The following PITPNM3 variants were observed in gnomAD, a reference collection of about 807,000 sequenced individuals.
PITPNM3 encodes the protein membrane-associated phosphatidylinositol transfer protein 3.
In PITPNM3, 26 loss-of-function variants were observed where a neutral mutation model predicts 102.0. The ratio of observed to expected loss-of-function variants is 0.25; its 90% CI spans 0.19 to 0.35. The LOEUF is 0.35. Among genes scored for constraint, PITPNM3 ranks in the 10% least tolerant of loss-of-function variants. PITPNM3 has a pLI of 1.00. For synonymous variants in PITPNM3, 578 were observed against 558.6 expected (o/e 1.03, Z -0.49); for missense variants, 1,083 against 1,346.1 (o/e 0.80, Z 3.06).
In PITPNM3 at chr17:6,538,079, C is replaced by T. The variant is rs757737539; in HGVS notation, c.26G>A (p.Gly9Asp). The part of the protein sequence containing the change: MAKAGRAG[G>D]PPPGGGAPWH... ...GGGGGCACCGCCGCCCGGGGGAGGA[C>T]CACCTGTTAAAGGGAACACATCTGT... The change falls in exon 2 of 20, where the codon GGT becomes GAT. Residue 9 changes from glycine (G) to aspartate (D), a missense_variant. Transcript: ENST00000262483. 1 of 1,608,192 alleles carries T rather than the reference C, an allele frequency of 6.2e-7. No individual in the cohort carries two copies. The highest frequency in any genetic ancestry group is 2.2e-5 in the East Asian group (1 of 44,846).
chr17:6,465,420 C>T (rs1044353887), intron 14 of PITPNM3, among the ~76,000 whole-genome samples: 2 of 152,252 alleles, frequency 1.3e-5, no homozygotes, highest in Non-Finnish European at 2.9e-5. Context: ...TCCAGATCCC[C>T]GGGCTGGAAA....
chr17:6,525,383 T>C lies in PITPNM3; in HGVS notation c.199A>G (p.Thr67Ala). The C allele has an allele frequency of 1.9e-6, 3 of 1,614,152 alleles. No homozygotes were observed. Among genetic ancestry groups the C allele is most frequent in the Non-Finnish European group, 2.5e-6 (3 of 1,180,022 alleles). Residue 67 changes from threonine (T) to alanine (A), a missense_variant, in exon 3 of 20, where the codon ACC becomes GCC. Physicochemically the swap from Thr to Ala is moderately conservative, Grantham distance 58. Coordinates refer to ENST00000262483, the MANE Select transcript of PITPNM3 (RefSeq NM_031220.4). ...NSNDLVEQIE[T>A]MGKLDEHQGE... is the part of the protein sequence containing the mutation. Reference sequence around the variant, plus strand: ...TGATGCTCGTCCAGTTTCCCCATGGTCTCGATCTGCTCCACGAGGTCATTG... The same window carrying C: ...TGATGCTCGTCCAGTTTCCCCATGGCCTCGATCTGCTCCACGAGGTCATTG...
Position 6,455,440 on chromosome 17 carries a change from G to A in PITPNM3, c.2823C>T (p.Pro941=). The change falls in exon 20 of 20, where the codon CCC becomes CCT. Residue 941 remains proline, a synonymous_variant. Transcript: ENST00000262483. The stretch of plus-strand genomic sequence containing the variant: ...ACTCGGGCTGGCTCTGGGCCCGCTC[G>A]GGCTTGGGGTTGGCGGCGGGCGGGT... The part of the protein sequence containing the change: ...QPDPPAANPK[P]ERAQSQPESD... 1 of 1,603,908 alleles carries A rather than the reference G, an allele frequency of 6.2e-7. No individual in the cohort carries two copies. Among genetic ancestry groups the A allele is most frequent in the Non-Finnish European group, 8.5e-7 (1 of 1,178,658 alleles).
chr17:6,493,363 G>T (rs1906610794), intron 4 of PITPNM3, among the ~76,000 whole-genome samples: 1 of 152,246 alleles, frequency 6.6e-6, no homozygotes, highest in African/African-American at 2.4e-5. Flanking sequence ...AAGAGCAGCA[G>T]CTGCCTGCAA....
At position 6,503,655 on chromosome 17, in the gene PITPNM3, C is replaced by A. The variant is rs916708951; in HGVS notation, c.227-81G>T. ...TGTTTCCCAGGGAGGCTGCTTGGAG[C>A]TGCCTCTGACCCTCACTCTAGAGCT... On this transcript the variant is annotated intron_variant, in intron 3 of 19. Coordinates refer to ENST00000262483, the MANE Select transcript of PITPNM3 (RefSeq NM_031220.4). The A allele has an allele frequency of 5.0e-6, 7 of 1,404,628 alleles. No individual in the cohort carries two copies. In the Admixed American group the frequency reaches 7.1e-5, roughly 14 times the overall value. The allele number at this position is 1,404,628 out of a possible 1,614,324, so 87.0% of individuals were successfully genotyped here.
In PITPNM3 at chr17:6,471,163, C is replaced by A; in HGVS notation, c.1622G>T (p.Arg541Leu). Residue 541 changes from arginine to leucine, a missense_variant and splice_region_variant, in exon 12 of 20, where the codon CGC (arginine) becomes CTC (leucine). Physicochemically the swap from Arg to Leu is moderately radical, Grantham distance 102. This residue lies in a region of PITPNM3 where 410 missense variants were observed against 638.4 expected (regional missense o/e 0.64). Coordinates refer to ENST00000262483, the MANE Select transcript of PITPNM3 (RefSeq NM_031220.4). ...GGCCCCAAAAGGACCTCACTCACTG[C>A]GGGAGGCACCCACGGGTGCCATGCT... ...SDSMAPVGAS[R>L]ITAKWWGSKR... 1 of 1,612,178 alleles carries A rather than the reference C, an allele frequency of 6.2e-7. No homozygotes were observed. Among genetic ancestry groups the A allele is most frequent in the Non-Finnish European group, 8.5e-7 (1 of 1,179,972 alleles).
chr17:6,458,224 G>A lies in PITPNM3; in HGVS notation c.2491-502C>T, dbSNP rs746156453. 3.9e-5 allele frequency among the ~76,000 whole-genome samples: 6 copies of A among 152,006 alleles called. No individual in the cohort carries two copies. Among genetic ancestry groups the A allele is most frequent in the Non-Finnish European group, 4.4e-5 (3 of 67,972 alleles). ...CAATTCAGAGAACTGCACAAGGTCC[G>A]TCTTGCTCCAGGGGCACTTCCAGAC... On this transcript the variant is annotated intron_variant, in intron 18 of 19. Coordinates refer to ENST00000262483, the MANE Select transcript of PITPNM3 (RefSeq NM_031220.4). This position sits in a 1 kb window ranked among gnomAD's most constrained non-coding sequence, Gnocchi z 5.1.
chr17:6,509,903 C>T (rs1359559567), intron 3 of PITPNM3, among the ~76,000 whole-genome samples: 1 of 152,182 alleles, frequency 6.6e-6, no homozygotes, highest in Non-Finnish European at 1.5e-5. Context: ...CTCAGCCTGG[C>T]ATTCAAGGCC....
At chr17:6,466,167 C>T (rs931166184) in intron 14 of PITPNM3, among the ~76,000 whole-genome samples, 1 of 152,232 alleles carries the variant, frequency 6.6e-6, no homozygotes, top group Non-Finnish European at 1.5e-5. Flanking sequence ...TCCCGCCCCC[C>T]ACACTGGCTC....
At chr17:6,512,888 C>G (rs1030306276) in intron 3 of PITPNM3, among the ~76,000 whole-genome samples, 1 of 152,112 alleles carries the variant, frequency 6.6e-6, no homozygotes, top group African/African-American at 2.4e-5. Flanking sequence ...TATACATTAT[C>G]CTAGAAGAGA....
At position 6,537,148 on chromosome 17, in the gene PITPNM3, T is replaced by C. The variant is rs565629786; in HGVS notation, c.118+839A>G. 6.6e-6 allele frequency among the ~76,000 whole-genome samples: 1 copy of C among 152,236 alleles called. No homozygotes were observed. Among genetic ancestry groups the C allele is most frequent in the African/African-American group, 2.4e-5 (1 of 41,532 alleles). Reference sequence around the variant, plus strand: ...GTCTCATGGGTTGGCCGGGAAGAGATGCAGAGGTCATTTCCCCACCCTCCT... The same window carrying C: ...GTCTCATGGGTTGGCCGGGAAGAGACGCAGAGGTCATTTCCCCACCCTCCT... On this transcript the variant is annotated intron_variant, in intron 2 of 19. Coordinates refer to ENST00000262483, the MANE Select transcript of PITPNM3 (RefSeq NM_031220.4). The surrounding 1 kb of genome is among the most constrained non-coding windows in gnomAD (Gnocchi z 4.4).
chr17:6,493,655 C>T (rs188915509), intron 4 of PITPNM3, among the ~76,000 whole-genome samples: 41 of 152,318 alleles, frequency 2.7e-4, no homozygotes, highest in African/African-American at 8.7e-4. Flanking sequence ...GACTCCTTAA[C>T]GCTTTCAGGG....
chr17:6,489,635 G>C (rs1423017387), intron 4 of PITPNM3, among the ~76,000 whole-genome samples: 1 of 152,086 alleles, frequency 6.6e-6, no homozygotes, highest in Non-Finnish European at 1.5e-5. Flanking sequence ...GGAGGAAAAA[G>C]TGAGGAGAGG....
At position 6,457,573 on chromosome 17, in the gene PITPNM3, T is replaced by C. The variant is rs1270797886; in HGVS notation, c.2619+21A>G. The stretch of plus-strand genomic sequence containing the variant: ...CTGACCTCCCTCACAACTCCCCGCC[T>C]CCAGCCCCGCCTCCACCCACCTGGC... On this transcript the variant is annotated intron_variant, in intron 19 of 19. Coordinates refer to ENST00000262483, the MANE Select transcript of PITPNM3 (RefSeq NM_031220.4). The surrounding 1 kb of genome is among the most constrained non-coding windows in gnomAD (Gnocchi z 4.7). The C allele has an allele frequency of 7.9e-7, 1 of 1,258,400 alleles. No individual in the cohort carries two copies. The highest frequency in any genetic ancestry group is 1.5e-5 in the African/African-American group (1 of 65,556). 78.0% of individuals were successfully genotyped at this position (1,258,400 alleles called of 1,614,324 possible). A position where few individuals can be genotyped will look rare whatever the true frequency, so the allele number is the denominator to read the frequency against.
At chr17:6,554,235 G>A (rs570500432) in intron 1 of PITPNM3, among the ~76,000 whole-genome samples, 5 of 148,326 alleles carry the variant, frequency 3.4e-5, no homozygotes, top group African/African-American at 1.3e-4. Context: ...CAGGAGAATC[G>A]CCTCAGCCCA....
At chr17:6,548,858 G>A (rs1910165944) in intron 1 of PITPNM3, among the ~76,000 whole-genome samples, 1 of 152,090 alleles carries the variant, frequency 6.6e-6, no homozygotes, top group Non-Finnish European at 1.5e-5. Flanking sequence ...GCCCCTCCCA[G>A]ACAGAGCCCA....
intron 9 of PITPNM3, 117 bp from the exon 10 acceptor site, chr17:6,474,721 T>G: frequency 1.6e-6 from 2 of 1,282,506 alleles, no homozygotes; most frequent in Non-Finnish European, 2.1e-6. Context: ...CCTCCATCTC[T>G]GGGGCGGGGC....
intron 18 of PITPNM3, chr17:6,461,016 C>A: frequency 8.5e-6 from 3 of 352,306 alleles, no homozygotes; most frequent in South Asian, 2.7e-5. Context: ...CATCCTCTGC[C>A]CCCCTGGTTC....
At chr17:6,477,324 G>C (rs1905368299) in intron 8 of PITPNM3, 111 bp from the exon 9 acceptor site, 1 of 1,136,502 alleles carries the variant, frequency 8.8e-7, no homozygotes, top group Non-Finnish European at 1.3e-6. Context: ...TAAGATGTGA[G>C]GGGCTACCCT....
Sources: gnomAD v4.1 joint callset for allele counts (sites outside exome capture counted in the v4.1 genomes callset) on GRCh38, gnomAD v4.1.1 for gene constraint, gnomAD v4.1.1 regional missense constraint, Gnocchi (gnomAD v3.1) non-coding constraint, MANE v1.5 for transcripts, NCBI Gene and HGNC (gene_info 2026-07-23, HGNC 2026-07-21) for gene names.